The following MYLK3 variants were observed in gnomAD, a reference collection of about 807,000 sequenced individuals.
The protein encoded by MYLK3 is myosin light chain kinase 3, also known as MLC kinase.
Under a neutral mutation model 76.3 loss-of-function variants are expected in MYLK3, and 55 were observed. The ratio of observed to expected loss-of-function variants is 0.72; its 90% CI spans 0.58 to 0.90. The LOEUF (loss-of-function observed/expected upper bound fraction) is 0.90. MYLK3 is among the 40% of genes least tolerant of loss of function. The pLI is 0.00. For synonymous variants in MYLK3, 416 were observed against 425.4 expected, an observed-to-expected ratio of 0.98 and a Z score of 0.27; for missense variants, 973 against 1,053.6, an observed-to-expected ratio of 0.92 and a Z score of 1.06.
Position 46,710,744 on chromosome 16 carries a change from G to A in MYLK3, c.2160C>T (p.Thr720=). 6.2e-7 allele frequency: 1 copy of A among 1,614,106 alleles called. No individual in the cohort carries two copies. The highest frequency in any genetic ancestry group is 8.5e-7 in the Non-Finnish European group (1 of 1,180,006). ...SPFLGETDAE[T]MNFIVNCSWD... ...AGCTACAGTTTACAATGAAATTCATGGTCTCTGCATCTGTTTCCCCTAGAA... is the reference window on the plus strand; with the variant it reads ...AGCTACAGTTTACAATGAAATTCATAGTCTCTGCATCTGTTTCCCCTAGAA... The change falls in exon 11 of 13, where the codon ACC becomes ACT. Residue 720 remains threonine, a synonymous_variant. Transcript: ENST00000394809.
At chr16:46,715,109 C>A (rs1966723798) in intron 9 of MYLK3, among the ~76,000 whole-genome samples, 1 of 152,164 alleles carries the variant, frequency 6.6e-6, no homozygotes, top group Non-Finnish European at 1.5e-5. Context: ...GCACAGAGCA[C>A]AGCAGCATAG....
intron 1 of MYLK3, chr16:46,757,359 G>A (rs1008930497): frequency 1.1e-5 from 11 of 984,328 alleles, no homozygotes; most frequent in African/African-American, 1.7e-5. Flanking sequence ...CCTTAGTCCC[G>A]TGCCCTACCA....
intron 1 of MYLK3, 54 bp from the exon 2 acceptor site, chr16:46,740,201 G>T (rs1346475781): frequency 2.7e-6 from 4 of 1,454,858 alleles, no homozygotes; most frequent in Non-Finnish European, 3.9e-6. Context: ...TGCCATTCAG[G>T]CCACAGACAT....
intron 10 of MYLK3, chr16:46,711,007 G>T: frequency 1.7e-6 from 1 of 571,664 alleles, no homozygotes; most frequent in Non-Finnish European, 3.1e-6. Context: ...AAGAATTTTT[G>T]GAATAAGTCC....
intron 11 of MYLK3, among the ~76,000 whole-genome samples, chr16:46,710,399 A>C (rs1378788365): frequency 2.0e-5 from 3 of 152,260 alleles, no homozygotes; most frequent in Non-Finnish European, 4.4e-5. Flanking sequence ...AGATAGGACC[A>C]ATCTACATAT....
At chr16:46,746,546 G>A (rs751624138) in intron 1 of MYLK3, among the ~76,000 whole-genome samples, 52 of 152,056 alleles carry the variant, frequency 3.4e-4, no homozygotes, top group Admixed American at 7.9e-4. Context: ...TTAGCCTCCC[G>A]AGTAGCTAGG....
intron 4 of MYLK3, 106 bp from the exon 5 acceptor site, chr16:46,730,804 G>C (rs1966851157): frequency 2.3e-6 from 2 of 888,592 alleles, no homozygotes; most frequent in East Asian, 4.9e-5. Flanking sequence ...CAGGCCCTAT[G>C]TACAGCCCTG....
intron 9 of MYLK3, among the ~76,000 whole-genome samples, chr16:46,720,331 C>G (rs1966786825): frequency 1.3e-5 from 2 of 152,170 alleles, no homozygotes; most frequent in Non-Finnish European, 2.9e-5. Context: ...TCCCAAGTAG[C>G]TGAGACTACA....
chr16:46,734,248 G>A (rs1224330104), intron 3 of MYLK3, among the ~76,000 whole-genome samples: 1 of 152,282 alleles, frequency 6.6e-6, no homozygotes, highest in East Asian at 1.9e-4. Flanking sequence ...GAGGAGGGAC[G>A]TTCTGACACA....
At chr16:46,747,045 G>A (rs542688678) in intron 1 of MYLK3, among the ~76,000 whole-genome samples, 1 of 152,298 alleles carries the variant, frequency 6.6e-6, no homozygotes, top group Non-Finnish European at 1.5e-5. Flanking sequence ...CTAAGTGGCT[G>A]ACCCCTAGCT....
At chr16:46,755,468 A>C (rs2143018200) in intron 1 of MYLK3, among the ~76,000 whole-genome samples, 1 of 152,162 alleles carries the variant, frequency 6.6e-6, no homozygotes, top group Middle Eastern at 3.4e-3. Context: ...CAAAAAAAAA[A>C]AAAAGCTCCA....
In MYLK3 at chr16:46,729,582, C is replaced by T; in HGVS notation, c.1662+12G>A. ...GCTGGCCACAGGGACCTGGCCCAGC[C>T]AGATGCCTCACCCGGTCCTTGGCGC... On this transcript the variant is annotated intron_variant, in intron 6 of 12. Coordinates refer to ENST00000394809, the MANE Select transcript of MYLK3 (RefSeq NM_182493.3). The T allele has an allele frequency of 1.2e-6, 2 of 1,612,996 alleles. No individual in the cohort carries two copies. The highest frequency in any genetic ancestry group is 2.2e-5 in the East Asian group (1 of 44,872).
intron 11 of MYLK3, 88 bp from the exon 12 acceptor site, chr16:46,709,759 C>A: frequency 1.4e-6 from 2 of 1,458,080 alleles, no homozygotes; most frequent in South Asian, 2.6e-5. Flanking sequence ...AAGCCTGAGT[C>A]AGTGGAACAG....
chr16:46,751,898 C>T (rs1209803837), upstream of MYLK3, among the ~76,000 whole-genome samples: 1 of 152,216 alleles, frequency 6.6e-6, no homozygotes, highest in Admixed American at 6.5e-5. Flanking sequence ...CTCTCTAACT[C>T]TCCCTGATGC....
In MYLK3 at chr16:46,748,264, C is replaced by T. The variant is rs1412628217; in HGVS notation, c.-71G>A. 22 of 1,522,430 alleles carry T rather than the reference C, an allele frequency of 1.4e-5. No individual in the cohort carries two copies. Among genetic ancestry groups the T allele is most frequent in the Admixed American group, 2.1e-5 (1 of 48,750 alleles). The allele number at this position is 1,522,430 out of a possible 1,614,324, so 94.3% of individuals were successfully genotyped here. A position where few individuals can be genotyped will look rare whatever the true frequency, so the allele number is the denominator to read the frequency against. On this transcript the variant is annotated 5_prime_UTR_variant, in exon 1 of 13. Coordinates refer to ENST00000394809, the MANE Select transcript of MYLK3 (RefSeq NM_182493.3). The surrounding 1 kb of genome is among the most constrained non-coding windows in gnomAD (Gnocchi z 4.3). ...CACAGACCCCTGGTTCTCACTCAGG[C>T]GGTGGTGTCTGCAAGGTCATTGTCC... is the stretch of plus-strand genomic sequence containing the variant.
chr16:46,712,014 A>G (rs1966689325), intron 10 of MYLK3, among the ~76,000 whole-genome samples: 1 of 136,464 alleles, frequency 7.3e-6, no homozygotes, highest in African/African-American at 2.8e-5. Context: ...TTTTTGAGAC[A>G]TGGTCTTGCT....
At chr16:46,745,290 A>G (rs1967003076) in intron 1 of MYLK3, among the ~76,000 whole-genome samples, 1 of 152,224 alleles carries the variant, frequency 6.6e-6, no homozygotes, top group African/African-American at 2.4e-5. Flanking sequence ...AACAACAGAA[A>G]CAAACGAGGA....
At chr16:46,753,430 A>G (rs1190310226) in intron 1 of MYLK3, among the ~76,000 whole-genome samples, 1 of 152,028 alleles carries the variant, frequency 6.6e-6, no homozygotes, top group Non-Finnish European at 1.5e-5. Flanking sequence ...CCTCAACAAA[A>G]CCATGCAGTT....
chr16:46,727,747 G>A (rs986646176), intron 7 of MYLK3, among the ~76,000 whole-genome samples: 5 of 152,130 alleles, frequency 3.3e-5, no homozygotes, highest in South Asian at 2.1e-4. Flanking sequence ...GCCTTGTCTC[G>A]AACTCCTGAC....
Sources: gnomAD v4.1 joint callset for allele counts (sites outside exome capture counted in the v4.1 genomes callset) on GRCh38, gnomAD v4.1.1 for gene constraint, Gnocchi (gnomAD v3.1) non-coding constraint, MANE v1.5 for transcripts, NCBI Gene and HGNC (gene_info 2026-07-23, HGNC 2026-07-21) for gene names.